The following YLPM1 variants were observed in gnomAD, a reference collection of about 807,000 sequenced individuals.
The protein encoded by YLPM1 is YLP motif containing 1, also known as YLP motif-containing protein 1.
YLPM1 carries 99 observed loss-of-function variants against 230.0 expected under a neutral mutation model. The observed-to-expected ratio is 0.43, with a 90% CI of 0.37 to 0.51. YLPM1 has a LOEUF of 0.51. YLPM1 is among the 20% of genes least tolerant of loss of function. The pLI is 0.00. For synonymous variants in YLPM1, 984 were observed against 942.5 expected, an observed-to-expected ratio of 1.04 and a Z score of -0.81; for missense variants, 2,592 against 2,707.7, an observed-to-expected ratio of 0.96 and a Z score of 0.95.
intron 18 of YLPM1, among the ~76,000 whole-genome samples, chr14:74,826,526 T>C (rs879537099): frequency 6.6e-6 from 1 of 152,210 alleles, no homozygotes; most frequent in Non-Finnish European, 1.5e-5. Flanking sequence ...CAGAGGAATT[T>C]TGATTCACAA....
chr14:74,818,395 G>A (rs1280167015), intron 16 of YLPM1, 81 bp downstream of exon 16: 1 of 1,218,124 alleles, frequency 8.2e-7, no homozygotes. Context: ...AAAACCTACA[G>A]AAAAGTTATA....
chr14:74,828,149 C>T (rs900607596), intron 18 of YLPM1: 2 of 318,740 alleles, frequency 6.3e-6, no homozygotes, highest in Non-Finnish European at 9.1e-6. Flanking sequence ...TCTGCCACTG[C>T]TTTCATTGCA....
At chr14:74,765,741 G>A (rs183482688) in intron 1 of YLPM1, among the ~76,000 whole-genome samples, 19 of 152,254 alleles carry the variant, frequency 1.2e-4, no homozygotes, top group African/African-American at 4.6e-4. Flanking sequence ...TTTTTTGGGA[G>A]GAGTGTGTGT....
At position 74,799,363 on chromosome 14, in the gene YLPM1, A is replaced by G; in HGVS notation, c.4066A>G (p.Asn1356Asp). 6.2e-7 allele frequency: 1 copy of G among 1,614,052 alleles called. No individual in the cohort carries two copies. The highest frequency in any genetic ancestry group is 8.5e-7 in the Non-Finnish European group (1 of 1,179,908). The change falls in exon 5 of 21, where the codon AAT (asparagine) becomes GAT (aspartate). Residue 1356 changes from asparagine to aspartate, a missense_variant. Transcript: ENST00000325680. The part of the protein sequence containing the change: ...YRDDRWREER[N>D]REHGYDRDFR... Reference sequence around the variant, plus strand: ...GGATGATAGATGGAGAGAAGAAAGAAATCGAGAGCATGGGTATGATCGAGA... The same window carrying G: ...GGATGATAGATGGAGAGAAGAAAGAGATCGAGAGCATGGGTATGATCGAGA...
intron 1 of YLPM1, among the ~76,000 whole-genome samples, chr14:74,771,113 G>A (rs760056491): frequency 6.6e-6 from 1 of 152,154 alleles, no homozygotes; most frequent in Non-Finnish European, 1.5e-5. Context: ...AAAACCTAAA[G>A]GAGGAGGAGG....
At chr14:74,832,517 C>G (rs896797390) in intron 19 of YLPM1, among the ~76,000 whole-genome samples, 2 of 152,048 alleles carry the variant, frequency 1.3e-5, no homozygotes, top group African/African-American at 4.8e-5. Context: ...TGTTGCCCAG[C>G]CTGGAGTGCA....
At chr14:74,828,396 A>G (rs1202467986) in intron 18 of YLPM1, among the ~76,000 whole-genome samples, 2 of 152,210 alleles carry the variant, frequency 1.3e-5, no homozygotes, top group Non-Finnish European at 2.9e-5. Context: ...TTCAAAATCA[A>G]TTATTAATAA....
rs1389363708 is a variant in YLPM1, at chr14:74,763,408, G to C, written c.-82G>C. On this transcript the variant is annotated 5_prime_UTR_variant, in exon 1 of 21. Coordinates refer to ENST00000325680, the MANE Select transcript of YLPM1 (RefSeq NM_019589.3). ...CCTGTAGGCGCCGCGAGTTCCGGCT[G>C]TCGCCGTCGCCGCCGCGGCTCCTGG... 1.5e-6 allele frequency: 2 copies of C among 1,372,754 alleles called. No individual in the cohort carries two copies. Among genetic ancestry groups the C allele is most frequent in the Non-Finnish European group, 1.9e-6 (2 of 1,055,748 alleles). 85.0% of individuals were successfully genotyped at this position (1,372,754 alleles called of 1,614,324 possible).
rs376584536 is a variant in YLPM1 at position 74,778,609 on chromosome 14, C to T, written c.1036C>T (p.Pro346Ser). 2.5e-6 allele frequency: 4 copies of T among 1,597,524 alleles called. No homozygotes were observed. The Admixed American group carries it at 5.2e-5, about 21-fold the overall frequency. ...VPATSQVPES[P>S]SSEEPPLPPP... ...TGCCACCAGTCAAGTTCCAGAATCTCCTTCTTCTGAGGAGCCCCCATTGCC... is the reference window on the plus strand; with the variant it reads ...TGCCACCAGTCAAGTTCCAGAATCTTCTTCTTCTGAGGAGCCCCCATTGCC... The change falls in exon 2 of 21, where the codon CCT becomes TCT. Residue 346 changes from proline to serine, a missense_variant. Pro to Ser is a moderately conservative substitution (Grantham distance 74). This residue lies in a region of YLPM1 where 1,862 missense variants were observed against 1,819.8 expected (regional missense o/e 1.02). Coordinates refer to ENST00000325680, the MANE Select transcript of YLPM1 (RefSeq NM_019589.3).
At chr14:74,794,293 C>T (rs1006767171) in intron 4 of YLPM1, among the ~76,000 whole-genome samples, 1 of 152,178 alleles carries the variant, frequency 6.6e-6, no homozygotes, top group Non-Finnish European at 1.5e-5. Flanking sequence ...AAGTGATTCT[C>T]CTACCTCTGC....
chr14:74,779,787 T>TCCCTC (rs778601876), intron 2 of YLPM1, among the ~76,000 whole-genome samples: 1 of 146,176 alleles, frequency 6.8e-6, no homozygotes, highest in African/African-American at 2.6e-5. Context: ...GGACCTCTCT[T>TCCCTC]CCCTCCCCTC....
chr14:74,827,513 C>G (rs1356589211), intron 18 of YLPM1: 1 of 985,280 alleles, frequency 1.0e-6, no homozygotes, highest in African/African-American at 1.7e-5. Flanking sequence ...TTCCATGTTG[C>G]AACTGTAACT....
At chr14:74,828,607 A>G (rs2091584885) in intron 18 of YLPM1, among the ~76,000 whole-genome samples, 1 of 152,190 alleles carries the variant, frequency 6.6e-6, no homozygotes, top group African/African-American at 2.4e-5. Flanking sequence ...CCTTAGCCTC[A>G]GAATGGTCAA....
intron 1 of YLPM1, among the ~76,000 whole-genome samples, chr14:74,770,181 C>CAAA (rs749198220): frequency 8.4e-6 from 1 of 119,608 alleles, no homozygotes; most frequent in African/African-American, 3.1e-5. Flanking sequence ...GACTCCGACT[C>CAAA]AAAAAAAAAA....
At chr14:74,788,629 A>C (rs745825582) in intron 4 of YLPM1, among the ~76,000 whole-genome samples, 3 of 152,144 alleles carry the variant, frequency 2.0e-5, no homozygotes, top group Non-Finnish European at 2.9e-5. Context: ...GGATTGCTTG[A>C]GGTTAGGAAT....
At chr14:74,815,825 C>T (rs1463312213) in intron 11 of YLPM1, among the ~76,000 whole-genome samples, 1 of 151,922 alleles carries the variant, frequency 6.6e-6, no homozygotes, top group East Asian at 1.9e-4. Flanking sequence ...TTAGCTGTAT[C>T]CTGTAAGCTT....
chr14:74,812,162 C>G (rs1277825623), intron 10 of YLPM1, among the ~76,000 whole-genome samples: 1 of 151,996 alleles, frequency 6.6e-6, no homozygotes, highest in African/African-American at 2.4e-5. Flanking sequence ...AATATAAGAC[C>G]AAGACCCTTA....
At chr14:74,780,636 A>G in intron 3 of YLPM1, 52 bp downstream of exon 3, 1 of 1,509,288 alleles carries the variant, frequency 6.6e-7, no homozygotes, top group Non-Finnish European at 8.9e-7. Flanking sequence ...CATTGAAAGG[A>G]TTTGTTATTC....
intron 11 of YLPM1, among the ~76,000 whole-genome samples, chr14:74,814,878 T>C (rs543253699): frequency 6.6e-6 from 1 of 152,220 alleles, no homozygotes; most frequent in Non-Finnish European, 1.5e-5. Flanking sequence ...TTTTTTAAAA[T>C]TATTGTCTTA....
Sources: allele counts gnomAD v4.1 joint callset (sites outside exome capture counted in the v4.1 genomes callset), GRCh38; gene constraint gnomAD v4.1.1; regional missense constraint gnomAD v4.1.1; transcripts MANE v1.5; gene names NCBI Gene and HGNC (gene_info 2026-07-23, HGNC 2026-07-21).